Variants in SYN2 observed in about 807,000 individuals in gnomAD.
The protein encoded by SYN2 is synapsin-2.
SYN2 carries 19 observed loss-of-function variants against 50.9 expected under a neutral mutation model. That is an observed-to-expected ratio of 0.37 (90% CI 0.26 to 0.55). The LOEUF is 0.55. SYN2 is among the 20% of genes least tolerant of loss of function. The pLI is 0.81. For missense variants in SYN2, 587 were observed against 576.4 expected (o/e 1.02, Z -0.19); for synonymous variants, 255 against 224.9 (o/e 1.13, Z -1.20).
At chr3:12,173,642 G>A (rs144628366) in intron 10 of SYN2, among the ~76,000 whole-genome samples, 36 of 152,238 alleles carry the variant, frequency 2.4e-4, no homozygotes, top group African/African-American at 7.9e-4. Context: ...GAGGCCAGAC[G>A]CAGTGACTCA....
chr3:12,061,941 C>T (rs1001222379), intron 1 of SYN2, among the ~76,000 whole-genome samples: 1 of 151,998 alleles, frequency 6.6e-6, no homozygotes, highest in African/African-American at 2.4e-5. Context: ...GATGTCAAGT[C>T]TTCCCAACTT....
At chr3:12,182,992 C>T (rs920539516) in intron 10 of SYN2, among the ~76,000 whole-genome samples, 5 of 152,228 alleles carry the variant, frequency 3.3e-5, no homozygotes, top group African/African-American at 9.6e-5. Context: ...GAAAAGAAAC[C>T]AGGTGGTGCT....
chr3:12,096,714 G>T (rs1695942716), intron 1 of SYN2, among the ~76,000 whole-genome samples: 1 of 152,090 alleles, frequency 6.6e-6, no homozygotes, highest in Admixed American at 6.5e-5. Context: ...ATGAGTGTGT[G>T]TGTGTAACTC....
chr3:12,090,007 GA>G (rs1695792857), intron 1 of SYN2, among the ~76,000 whole-genome samples: 1 of 152,176 alleles, frequency 6.6e-6, no homozygotes. Flanking sequence ...AGGTAGCCCT[GA>G]AAGCACTCTA....
intron 5 of SYN2, among the ~76,000 whole-genome samples, chr3:12,156,016 A>G (rs897690507): frequency 7.9e-5 from 12 of 152,168 alleles, no homozygotes; most frequent in African/African-American, 2.7e-4. Context: ...ATCAAGAGCC[A>G]TGTCTGGACA....
At chr3:12,137,650 C>T (rs1696923374) in intron 1 of SYN2, among the ~76,000 whole-genome samples, 1 of 152,090 alleles carries the variant, frequency 6.6e-6, no homozygotes, top group Non-Finnish European at 1.5e-5. Flanking sequence ...GGAAGAGGCC[C>T]ATCAATATGT....
At chr3:12,065,208 T>G (rs1695190382) in intron 1 of SYN2, among the ~76,000 whole-genome samples, 1 of 152,132 alleles carries the variant, frequency 6.6e-6, no homozygotes, top group Non-Finnish European at 1.5e-5. Flanking sequence ...CAACAGATGC[T>G]GGTGAGGCTG....
At chr3:12,096,300 A>G (rs547242010) in intron 1 of SYN2, among the ~76,000 whole-genome samples, 1 of 152,282 alleles carries the variant, frequency 6.6e-6, no homozygotes, top group South Asian at 2.1e-4. Context: ...TAGGGCATGT[A>G]TGAGTGGAAG....
At chr3:12,044,146 T>C (rs1694680102) in intron 1 of SYN2, among the ~76,000 whole-genome samples, 1 of 145,492 alleles carries the variant, frequency 6.9e-6, no homozygotes, top group African/African-American at 2.7e-5. Flanking sequence ...AGTGTCAACC[T>C]TTAGAAGGCA....
intron 1 of SYN2, among the ~76,000 whole-genome samples, chr3:12,047,267 G>A (rs142615956): frequency 0.011 from 1,694 of 152,216 alleles, 20 homozygotes; most frequent in Middle Eastern, 0.041. Flanking sequence ...TTAACAGAAG[G>A]GATGGAGGAG....
At chr3:12,029,363 C>CT (rs1327388827) in intron 1 of SYN2, among the ~76,000 whole-genome samples, 5 of 127,224 alleles carry the variant, frequency 3.9e-5, no homozygotes, top group Middle Eastern at 3.6e-3. Context: ...GATGCGGGCT[C>CT]TTTTTTGCTT....
At chr3:12,147,805 T>C (rs2125221802) in intron 4 of SYN2, among the ~76,000 whole-genome samples, 1 of 152,216 alleles carries the variant, frequency 6.6e-6, no homozygotes, top group Admixed American at 6.5e-5. Context: ...AGGCTCCTAG[T>C]GTATGGGTTC....
At chr3:12,049,525 A>AATAATAATAAT (rs534028144) in intron 1 of SYN2, among the ~76,000 whole-genome samples, 1 of 8,592 alleles carries the variant, frequency 1.2e-4, no homozygotes, top group Non-Finnish European at 2.8e-4. Flanking sequence ...TCTCAAAAAA[A>AATAATAATAAT]AAAAAATAAT....
chr3:12,004,569 G>T lies in SYN2; in HGVS notation c.18G>T (p.Arg6=). 1.5e-6 allele frequency: 1 copy of T among 672,130 alleles called. No homozygotes were observed. The highest frequency in any genetic ancestry group is 2.8e-6 in the Non-Finnish European group (1 of 361,542). The allele number at this position is 672,130 out of a possible 1,614,324, so 41.6% of individuals were successfully genotyped here. The stretch of plus-strand genomic sequence containing the variant: ...TAAGCCAGATGATGAACTTCCTGCG[G>T]CGCCGGCTGTCGGACAGCAGCTTCA... MMNFL[R]RRLSDSSFIA... is the part of the protein sequence containing the mutation. Residue 6 remains arginine (R), a synonymous_variant, in exon 1 of 13, where the codon CGG becomes CGT. Transcript: ENST00000621198.
intron 1 of SYN2, among the ~76,000 whole-genome samples, chr3:12,058,365 T>C (rs1417066826): frequency 6.6e-6 from 1 of 152,226 alleles, no homozygotes; most frequent in African/African-American, 2.4e-5. Flanking sequence ...ATAGGACTAC[T>C]AAAGGAATCA....
chr3:12,114,267 A>C (rs1437045133), intron 1 of SYN2, among the ~76,000 whole-genome samples: 1 of 152,090 alleles, frequency 6.6e-6, no homozygotes, highest in African/African-American at 2.4e-5. Flanking sequence ...CTATCTATTC[A>C]AGTCCTTTGC....
At chr3:12,006,669 CTAT>C (rs148403125) in intron 1 of SYN2, among the ~76,000 whole-genome samples, 3,368 of 152,286 alleles carry the variant, frequency 0.022, 136 homozygotes, top group African/African-American at 0.076. Flanking sequence ...TATTGCCTCA[CTAT>C]TATTATTAGC....
chr3:12,180,794 G>A (rs1349099411), intron 10 of SYN2, among the ~76,000 whole-genome samples: 1 of 152,224 alleles, frequency 6.6e-6, no homozygotes, highest in Non-Finnish European at 1.5e-5. Flanking sequence ...TCTGGGCTTA[G>A]TTCATCCGTG....
chr3:12,096,158 C>T (rs1305512543), intron 1 of SYN2, among the ~76,000 whole-genome samples: 1 of 152,200 alleles, frequency 6.6e-6, no homozygotes, highest in African/African-American at 2.4e-5. Context: ...ATCCATTTCT[C>T]CTAGGCCAGG....
Sources: allele counts gnomAD v4.1 joint callset (sites outside exome capture counted in the v4.1 genomes callset), GRCh38; gene constraint gnomAD v4.1.1; transcripts MANE v1.5; gene names NCBI Gene and HGNC (gene_info 2026-07-23, HGNC 2026-07-21).